The following BIN2 variants were observed in gnomAD, a reference collection of about 807,000 sequenced individuals.
The protein encoded by BIN2 is bridging integrator 2, also known as breast cancer associated protein BRAP1.
BIN2 carries 43 observed loss-of-function variants against 67.9 expected under a neutral mutation model. The observed-to-expected ratio is 0.63, with a 90% CI of 0.50 to 0.82. BIN2 has a LOEUF of 0.82. Ranked by LOEUF, BIN2 falls within the 40% of genes least tolerant of loss-of-function variation. The pLI, the probability that BIN2 is intolerant of heterozygous loss-of-function variation, is 0.00. For missense variants in BIN2, 581 were observed against 671.6 expected, an observed-to-expected ratio of 0.87 and a Z score of 1.49; for synonymous variants, 244 against 246.8, an observed-to-expected ratio of 0.99 and a Z score of 0.11.
At chr12:51,312,151 A>C (rs532112899) in intron 2 of BIN2, among the ~76,000 whole-genome samples, 1 of 152,358 alleles carries the variant, frequency 6.6e-6, no homozygotes, top group South Asian at 2.1e-4. Flanking sequence ...AATCTCTGAT[A>C]ATAGAGCCAG....
chr12:51,320,812 C>T (rs1440832626), intron 1 of BIN2, among the ~76,000 whole-genome samples: 2 of 151,854 alleles, frequency 1.3e-5, no homozygotes, highest in East Asian at 3.9e-4. Flanking sequence ...GAGGAGAAGA[C>T]CAACAAAGGA....
chr12:51,301,953 A>T, intron 5 of BIN2, 67 bp downstream of exon 5: 2 of 1,103,254 alleles, frequency 1.8e-6, no homozygotes, highest in East Asian at 2.4e-5. Flanking sequence ...TATAATGCTT[A>T]ACCCAATATG....
chr12:51,301,195 G>A (rs1244951513), intron 5 of BIN2, among the ~76,000 whole-genome samples: 3 of 151,766 alleles, frequency 2.0e-5, no homozygotes, highest in African/African-American at 7.3e-5. Flanking sequence ...TCCACCCTGG[G>A]CAACAGAGCA....
At chr12:51,316,599 C>T (rs953620917) in intron 1 of BIN2, among the ~76,000 whole-genome samples, 1 of 152,166 alleles carries the variant, frequency 6.6e-6, no homozygotes, top group African/African-American at 2.4e-5. Context: ...TCTCATACTC[C>T]TCCTCTCTGC....
At chr12:51,315,315 C>T (rs1410599554) in intron 1 of BIN2, among the ~76,000 whole-genome samples, 15 of 151,862 alleles carry the variant, frequency 9.9e-5, no homozygotes, top group East Asian at 1.9e-4. Flanking sequence ...GGACTACAGG[C>T]GCCCGCCACT....
chr12:51,302,729 C>T lies in BIN2; in HGVS notation c.269G>A (p.Ser90Asn), dbSNP rs1204995475. 6.2e-7 allele frequency: 1 copy of T among 1,614,156 alleles called. No individual in the cohort carries two copies. The highest frequency in any genetic ancestry group is 1.1e-5 in the South Asian group (1 of 91,090). ...CTCCTCATGACCGTCCCACTCGCTG[C>T]TGTAGATCTCCTGCAGGGTTTCTGA... is the stretch of plus-strand genomic sequence containing the variant. The part of the protein sequence containing the change: ...RVSETLQEIY[S>N]SEWDGHEELK... The change falls in exon 4 of 13, where the codon AGC (serine) becomes AAC (asparagine). Residue 90 changes from serine to asparagine, a missense_variant. By Grantham distance (46) the Ser-to-Asn change is conservative. Coordinates refer to ENST00000615107, the MANE Select transcript of BIN2 (RefSeq NM_016293.4).
intron 1 of BIN2, chr12:51,322,483 C>T (rs1284849730): frequency 6.6e-6 from 1 of 152,452 alleles, no homozygotes; most frequent in Non-Finnish European, 1.5e-5. Flanking sequence ...TCTTGATCTC[C>T]TGGGCTCAAG....
intron 2 of BIN2, among the ~76,000 whole-genome samples, chr12:51,306,342 G>T (rs1014052637): frequency 6.6e-6 from 1 of 152,192 alleles, no homozygotes; most frequent in Admixed American, 6.6e-5. Flanking sequence ...AATCAAGGAA[G>T]TAGGCCAGGC....
rs531818686 is a variant in BIN2 at position 51,307,891 on chromosome 12, AC to A, written c.163-4751del. ...AGAAAATGAATGCCTTCTGCTTTCC[AC>A]TGCAGCTCACAAAAGCCCCGCTCCA... On this transcript the variant is annotated intron_variant, in intron 2 of 12. Coordinates refer to ENST00000615107, the MANE Select transcript of BIN2 (RefSeq NM_016293.4). Among the ~76,000 whole-genome samples the A allele has an allele frequency of 3.8e-3, 584 of 152,234 alleles. 1 individual carries two copies. The highest frequency in any genetic ancestry group is 0.014 in the African/African-American group (564 of 41,526).
At chr12:51,293,275 T>C (rs573514088) in intron 9 of BIN2, among the ~76,000 whole-genome samples, 3 of 151,800 alleles carry the variant, frequency 2.0e-5, no homozygotes, top group African/African-American at 7.2e-5. Flanking sequence ...GAATCTAGAA[T>C]ATATCAGCCA....
At chr12:51,297,009 A>G (rs1565677160) in intron 8 of BIN2, 80 bp downstream of exon 8, 3 of 1,325,822 alleles carry the variant, frequency 2.3e-6, no homozygotes, top group Non-Finnish European at 3.2e-6. Flanking sequence ...GGATATTTAA[A>G]GAAATCATGT....
intron 11 of BIN2, among the ~76,000 whole-genome samples, chr12:51,287,402 G>A (rs564561883): frequency 1.4e-4 from 21 of 151,424 alleles, no homozygotes; most frequent in Non-Finnish European, 1.9e-4. Context: ...GCGAGATCTC[G>A]GCTCACTGCA....
At chr12:51,299,088 A>G (rs551792337) in intron 7 of BIN2, 115 bp downstream of exon 7, 365 of 533,374 alleles carry the variant, frequency 6.8e-4, no homozygotes, top group African/African-American at 2.7e-3. Flanking sequence ...AAAAAAAAAA[A>G]GGGGGCGGGG....
chr12:51,291,894 T>C lies in BIN2; in HGVS notation c.1212A>G (p.Arg404=), dbSNP rs199949833. The change falls in exon 10 of 13, where the codon AGA becomes AGG. Residue 404 remains arginine, a synonymous_variant. Transcript: ENST00000615107. ...ASEGSEQPKK[R]ASIQRTSAPP... The stretch of plus-strand genomic sequence containing the variant: ...GTGCTGAGGTCCTCTGGATAGAGGC[T>C]CTCTTCTTTGGTTGTTCAGATCCTT... The C allele has an allele frequency of 4.3e-6, 7 of 1,614,154 alleles. No individual in the cohort carries two copies. Among genetic ancestry groups the C allele is most frequent in the Non-Finnish European group, 3.4e-6 (4 of 1,180,014 alleles).
chr12:51,303,656 C>T (rs920975406), intron 2 of BIN2, among the ~76,000 whole-genome samples: 4 of 152,152 alleles, frequency 2.6e-5, no homozygotes, highest in Admixed American at 6.6e-5. Flanking sequence ...TGTTCCACCC[C>T]GAATGTCTTC....
intron 2 of BIN2, among the ~76,000 whole-genome samples, chr12:51,308,652 G>A (rs534969828): frequency 4.4e-4 from 67 of 151,976 alleles, no homozygotes; most frequent in Non-Finnish European, 7.6e-4. Flanking sequence ...AGGGAAATAC[G>A]AAGCTAGATT....
intron 7 of BIN2, among the ~76,000 whole-genome samples, chr12:51,298,680 T>C (rs1453916169): frequency 6.6e-6 from 1 of 152,180 alleles, no homozygotes; most frequent in Non-Finnish European, 1.5e-5. Flanking sequence ...AGTGACAATA[T>C]AAAATATTCT....
chr12:51,299,365 A>T (rs979394578), intron 6 of BIN2, 77 bp from the exon 7 acceptor site: 66 of 1,413,140 alleles, frequency 4.7e-5, no homozygotes, highest in Non-Finnish European at 6.2e-5. Flanking sequence ...CATCCTCTGC[A>T]TTTTTTTAGG....
At chr12:51,305,781 T>C (rs901478881) in intron 2 of BIN2, among the ~76,000 whole-genome samples, 2 of 148,878 alleles carry the variant, frequency 1.3e-5, no homozygotes, top group African/African-American at 5.0e-5. Context: ...ACTGGACTAG[T>C]TATTTCATCC....
Sources: gnomAD v4.1 joint callset for allele counts (sites outside exome capture counted in the v4.1 genomes callset) on GRCh38, gnomAD v4.1.1 for gene constraint, MANE v1.5 for transcripts, NCBI Gene and HGNC (gene_info 2026-07-23, HGNC 2026-07-21) for gene names.